ABLIM3: variants seen among roughly 807,000 people sequenced by gnomAD.
ABLIM3 encodes actin binding LIM protein family member 3.
ABLIM3 carries 61 observed loss-of-function variants against 109.5 expected under a neutral mutation model. That is an observed-to-expected ratio of 0.56 (90% CI 0.45 to 0.69). The LOEUF (loss-of-function observed/expected upper bound fraction) is 0.69, where lower values mean the gene tolerates loss of function less well. ABLIM3 is among the 30% of genes least tolerant of loss of function. The pLI is 0.00. For synonymous variants in ABLIM3, 300 were observed against 324.8 expected (o/e 0.92, Z 0.82); for missense variants, 796 against 889.5 (o/e 0.89, Z 1.34).
intron 2 of ABLIM3, among the ~76,000 whole-genome samples, chr5:149,147,238 C>A (rs975124308): frequency 5.3e-5 from 8 of 152,000 alleles, no homozygotes; most frequent in African/African-American, 1.9e-4. Context: ...AATTTTGTAT[C>A]CTGAGACTTC....
chr5:149,210,164 A>C (rs1759396928), intron 6 of ABLIM3, among the ~76,000 whole-genome samples: 1 of 152,168 alleles, frequency 6.6e-6, no homozygotes, highest in South Asian at 2.1e-4. Context: ...CTGAGTACTC[A>C]GTATGGCTAG....
chr5:149,162,417 A>T (rs915274017), intron 2 of ABLIM3, among the ~76,000 whole-genome samples: 2 of 152,178 alleles, frequency 1.3e-5, no homozygotes, highest in African/African-American at 2.4e-5. Flanking sequence ...GCATCCCTTC[A>T]TGTGTTTCAG....
In ABLIM3 at chr5:149,210,149, A is replaced by G. The variant is rs1003174006; in HGVS notation, c.576-577A>G. ...AATCATGGCCATTCCTCCAGCTGCC[A>G]TTTGCTGAGTACTCAGTATGGCTAG... On this transcript the variant is annotated intron_variant, in intron 6 of 23. Transcript: ENST00000309868. Among the ~76,000 whole-genome samples the G allele has an allele frequency of 5.9e-5, 9 of 152,210 alleles. No homozygotes were observed. In the Middle Eastern group the frequency reaches 0.01, roughly 173 times the overall value.
At chr5:149,188,049 C>G (rs1757139988) in intron 3 of ABLIM3, among the ~76,000 whole-genome samples, 1 of 152,174 alleles carries the variant, frequency 6.6e-6, no homozygotes, top group Non-Finnish European at 1.5e-5. Context: ...TATTCTAGTG[C>G]TATTCCTTTT....
In ABLIM3 at chr5:149,188,198, A is replaced by T. The variant is rs568307920; in HGVS notation, c.151+4609A>T. 5.3e-5 allele frequency among the ~76,000 whole-genome samples: 8 copies of T among 152,336 alleles called. No homozygotes were observed. The South Asian group carries it at 1.7e-3, about 32-fold the overall frequency. On this transcript the variant is annotated intron_variant, in intron 3 of 23. Coordinates refer to ENST00000309868, the MANE Select transcript of ABLIM3 (RefSeq NM_014945.5). The stretch of plus-strand genomic sequence containing the variant: ...TAAGGAAGAAAATGAAATAAAAGGC[A>T]TCCAGATTAAAAAGGAAGAAGTACA...
At chr5:149,157,422 G>A (rs1016054929) in intron 2 of ABLIM3, among the ~76,000 whole-genome samples, 10 of 151,968 alleles carry the variant, frequency 6.6e-5, no homozygotes, top group Non-Finnish European at 1.5e-4. Flanking sequence ...TGTCTGCTCA[G>A]CATGTTTTAT....
At chr5:149,244,593 G>A (rs1038408760) in intron 15 of ABLIM3, 1 of 435,972 alleles carries the variant, frequency 2.3e-6, no homozygotes, top group Non-Finnish European at 4.2e-6. Flanking sequence ...GGAATGTGCT[G>A]GAAAGAGCCC....
intron 2 of ABLIM3, among the ~76,000 whole-genome samples, chr5:149,173,937 G>C (rs1333559022): frequency 6.6e-6 from 1 of 151,194 alleles, no homozygotes; most frequent in African/African-American, 2.4e-5. Flanking sequence ...CAGGAGAATG[G>C]CGTGAACCCG....
At chr5:149,238,261 G>T (rs769634047) in intron 11 of ABLIM3, among the ~76,000 whole-genome samples, 5 of 152,166 alleles carry the variant, frequency 3.3e-5, no homozygotes, top group Non-Finnish European at 7.3e-5. Flanking sequence ...CTATATCCTA[G>T]AAGATTTCTA....
At position 149,245,031 on chromosome 5, in the gene ABLIM3, G is replaced by A; in HGVS notation, c.1486+16G>A. The A allele has an allele frequency of 5.0e-6, 8 of 1,614,124 alleles. No individual in the cohort carries two copies. The highest frequency in any genetic ancestry group is 6.8e-6 in the Non-Finnish European group (8 of 1,180,006). Reference sequence around the variant, plus strand: ...TCCCCCAAAGGTAGTACCCCCATAGGAGCCTGGGTCCAGGGCCCTAACACC... The same window carrying A: ...TCCCCCAAAGGTAGTACCCCCATAGAAGCCTGGGTCCAGGGCCCTAACACC... On this transcript the variant is annotated intron_variant, in intron 16 of 23. Coordinates refer to ENST00000309868, the MANE Select transcript of ABLIM3 (RefSeq NM_014945.5).
intron 2 of ABLIM3, among the ~76,000 whole-genome samples, chr5:149,166,617 C>G (rs1446656204): frequency 6.6e-6 from 1 of 152,232 alleles, no homozygotes; most frequent in East Asian, 1.9e-4. Flanking sequence ...TTCTTCCTCA[C>G]TCTTTAACCC....
At chr5:149,148,634 T>TA (rs1338276667) in intron 2 of ABLIM3, among the ~76,000 whole-genome samples, 4 of 152,164 alleles carry the variant, frequency 2.6e-5, no homozygotes, top group African/African-American at 9.6e-5. Flanking sequence ...ACACTCTGCT[T>TA]AAAGTGAGGC....
intron 23 of ABLIM3, among the ~76,000 whole-genome samples, chr5:149,255,589 G>A (rs937452396): frequency 3.3e-5 from 5 of 152,180 alleles, no homozygotes; most frequent in Non-Finnish European, 5.9e-5. Flanking sequence ...TGCATGACAT[G>A]TAAGCAAAGA....
At chr5:149,144,253 A>G (rs1160581277) in intron 2 of ABLIM3, among the ~76,000 whole-genome samples, 1 of 152,164 alleles carries the variant, frequency 6.6e-6, no homozygotes, top group Non-Finnish European at 1.5e-5. Flanking sequence ...CCCCAGGAGG[A>G]AGTGCTTCTC....
At chr5:149,252,426 G>T (rs977192985) in intron 22 of ABLIM3, 3 of 569,268 alleles carry the variant, frequency 5.3e-6, no homozygotes, top group South Asian at 2.5e-5. Flanking sequence ...TACTCTCCCT[G>T]GGCTTCAGAG....
intron 2 of ABLIM3, among the ~76,000 whole-genome samples, chr5:149,170,014 G>T (rs1189774538): frequency 6.6e-6 from 1 of 152,184 alleles, no homozygotes; most frequent in Middle Eastern, 3.4e-3. Flanking sequence ...GGGTACTTGT[G>T]CAGGTTTGTT....
At chr5:149,168,605 C>T (rs1755051622) in intron 2 of ABLIM3, among the ~76,000 whole-genome samples, 1 of 152,158 alleles carries the variant, frequency 6.6e-6, no homozygotes, top group East Asian at 1.9e-4. Flanking sequence ...AACCATCTGC[C>T]AGGGCTGAGT....
chr5:149,175,706 T>C (rs1217217135), intron 2 of ABLIM3, among the ~76,000 whole-genome samples: 1 of 152,234 alleles, frequency 6.6e-6, no homozygotes, highest in African/African-American at 2.4e-5. Context: ...AACTCTGCGA[T>C]GTTATGGGCT....
intron 11 of ABLIM3, among the ~76,000 whole-genome samples, 193 bp from the exon 12 acceptor site, chr5:149,239,055 C>T (rs946695443): frequency 2.6e-5 from 4 of 152,126 alleles, no homozygotes; most frequent in Admixed American, 2.6e-4. Flanking sequence ...GGCATAATCT[C>T]GAGGTTTCCT....
Sources: allele counts gnomAD v4.1 joint callset (sites outside exome capture counted in the v4.1 genomes callset), GRCh38; gene constraint gnomAD v4.1.1; transcripts MANE v1.5; gene names NCBI Gene and HGNC (gene_info 2026-07-23, HGNC 2026-07-21).